The following SHROOM3 variants were observed in gnomAD, a reference collection of about 807,000 sequenced individuals.
The protein encoded by SHROOM3 is shroom family member 3.
SHROOM3 carries 47 observed loss-of-function variants against 138.6 expected under a neutral mutation model. The observed-to-expected ratio is 0.34, with a 90% CI of 0.27 to 0.43. The LOEUF (loss-of-function observed/expected upper bound fraction) is 0.43. Among genes scored for constraint, SHROOM3 ranks in the 20% least tolerant of loss-of-function variants. The pLI is 1.00. For missense variants in SHROOM3, 2,491 were observed against 2,596.5 expected (o/e 0.96, Z 0.88); for synonymous variants, 1,062 against 1,063.3 (o/e 1.00, Z 0.02).
intron 2 of SHROOM3, among the ~76,000 whole-genome samples, chr4:76,614,515 C>T (rs1263200196): frequency 3.3e-5 from 5 of 151,916 alleles, no homozygotes; most frequent in Non-Finnish European, 7.4e-5. Flanking sequence ...GATACATGTG[C>T]AGAATGTGCA....
chr4:76,527,507 C>T (rs1295198709), intron 1 of SHROOM3, among the ~76,000 whole-genome samples: 1 of 152,138 alleles, frequency 6.6e-6, no homozygotes. Flanking sequence ...TGCTTGAACC[C>T]GGGAGGTAGA....
chr4:76,769,589 A>C (rs1722282081), intron 9 of SHROOM3, among the ~76,000 whole-genome samples: 1 of 152,212 alleles, frequency 6.6e-6, no homozygotes, highest in East Asian at 1.9e-4. Context: ...TAAGGTGTCA[A>C]ATTGCACAGC....
chr4:76,443,714 A>G (rs1452748855), intron 1 of SHROOM3, among the ~76,000 whole-genome samples: 1 of 152,154 alleles, frequency 6.6e-6, no homozygotes, highest in East Asian at 1.9e-4. Context: ...CAAAGGCTAC[A>G]TGGGTACGCT....
At chr4:76,745,845 G>A (rs539834742) in intron 5 of SHROOM3, among the ~76,000 whole-genome samples, 1 of 152,296 alleles carries the variant, frequency 6.6e-6, no homozygotes, top group South Asian at 2.1e-4. Flanking sequence ...GCTAGGCATG[G>A]TGGTGTGCAT....
intron 1 of SHROOM3, among the ~76,000 whole-genome samples, chr4:76,497,297 A>G (rs1731988214): frequency 6.6e-6 from 1 of 152,256 alleles, no homozygotes; most frequent in Admixed American, 6.5e-5. Context: ...TTGTTCCTAG[A>G]GAAACTATTT....
intron 1 of SHROOM3, among the ~76,000 whole-genome samples, chr4:76,545,910 C>T (rs1733207028): frequency 6.6e-6 from 1 of 152,284 alleles, no homozygotes; most frequent in Admixed American, 6.5e-5. Context: ...TCTTTATACA[C>T]CTCACCACTG....
intron 1 of SHROOM3, among the ~76,000 whole-genome samples, chr4:76,512,097 T>A (rs957362028): frequency 6.6e-6 from 1 of 152,020 alleles, no homozygotes; most frequent in Non-Finnish European, 1.5e-5. Context: ...CAGGCAGAAG[T>A]TGACCTAAGA....
chr4:76,654,427 A>G (rs1736022599), intron 2 of SHROOM3, among the ~76,000 whole-genome samples: 1 of 152,160 alleles, frequency 6.6e-6, no homozygotes, highest in African/African-American at 2.4e-5. Flanking sequence ...GCTGGACTCA[A>G]GGGATCCTCC....
chr4:76,669,603 TC>T lies in SHROOM3; in HGVS notation c.324-40552del, dbSNP rs1358570178. On this transcript the variant is annotated intron_variant, in intron 2 of 10. Coordinates refer to ENST00000296043, the MANE Select transcript of SHROOM3 (RefSeq NM_020859.4). Reference sequence around the variant, plus strand: ...CACTGCTACAGAGCAAAACTCTGTCTCAAAAAAAAAAAAAGAATCCTAGATA... The same window carrying T: ...CACTGCTACAGAGCAAAACTCTGTCTAAAAAAAAAAAAAGAATCCTAGATA... Among the ~76,000 whole-genome samples the T allele has an allele frequency of 5.4e-5, 8 of 147,816 alleles. No homozygotes were observed. In the East Asian group the frequency reaches 1.6e-3, roughly 29 times the overall value.
chr4:76,703,717 A>C (rs1046664827), intron 2 of SHROOM3, among the ~76,000 whole-genome samples: 73 of 152,368 alleles, frequency 4.8e-4, no homozygotes, highest in African/African-American at 1.7e-3. Flanking sequence ...AAGGACACAG[A>C]GTAGAAGGAA....
chr4:76,773,194 G>A (rs1722425264), intron 10 of SHROOM3, among the ~76,000 whole-genome samples: 1 of 152,016 alleles, frequency 6.6e-6, no homozygotes, highest in Admixed American at 6.6e-5. Context: ...GGCCAACATG[G>A]CAAAACCTCC....
At chr4:76,707,888 C>T (rs945006618) in intron 2 of SHROOM3, among the ~76,000 whole-genome samples, 2 of 151,926 alleles carry the variant, frequency 1.3e-5, no homozygotes, top group African/African-American at 4.8e-5. Context: ...GCTGGTGATT[C>T]TAGCACTCTC....
intron 2 of SHROOM3, among the ~76,000 whole-genome samples, chr4:76,682,932 C>A (rs1042677580): frequency 6.6e-5 from 10 of 152,156 alleles, no homozygotes; most frequent in African/African-American, 2.2e-4. Context: ...TTTTACCAGT[C>A]AATGCAGTAA....
intron 1 of SHROOM3, among the ~76,000 whole-genome samples, chr4:76,503,515 G>A (rs1386049188): frequency 3.3e-5 from 5 of 152,036 alleles, no homozygotes; most frequent in African/African-American, 1.2e-4. Flanking sequence ...TGTAACCTCT[G>A]CCTCCCAGGT....
intron 2 of SHROOM3, among the ~76,000 whole-genome samples, chr4:76,598,295 G>A (rs895341159): frequency 6.6e-6 from 1 of 152,084 alleles, no homozygotes; most frequent in Non-Finnish European, 1.5e-5. Context: ...GAAAGTCCTG[G>A]GATTACAGGC....
intron 3 of SHROOM3, among the ~76,000 whole-genome samples, chr4:76,724,683 T>G: frequency 6.6e-6 from 1 of 152,234 alleles, no homozygotes; most frequent in East Asian, 1.9e-4. Flanking sequence ...CCACATACTG[T>G]AGCAGACTGT....
intron 2 of SHROOM3, among the ~76,000 whole-genome samples, chr4:76,705,436 G>A (rs1577985151): frequency 1.3e-5 from 2 of 152,368 alleles, no homozygotes; most frequent in East Asian, 1.9e-4. Flanking sequence ...GGTCGAGGCT[G>A]CAGTGAGCCA....
Position 76,444,207 on chromosome 4 carries a change from G to A in SHROOM3, c.168+7987G>A, listed in dbSNP as rs1167921845. 4.6e-5 allele frequency among the ~76,000 whole-genome samples: 7 copies of A among 151,952 alleles called. No individual in the cohort carries two copies. The South Asian group carries it at 1.5e-3, about 32-fold the overall frequency. On this transcript the variant is annotated intron_variant, in intron 1 of 10. Transcript: ENST00000296043. Reference sequence around the variant, plus strand: ...TGAGATTGCAGGAGTGATCCACCACGCCTGGCCTAAACCTTTATTTTTGAA... The same window carrying A: ...TGAGATTGCAGGAGTGATCCACCACACCTGGCCTAAACCTTTATTTTTGAA...
rs900966307 is a variant in SHROOM3, at chr4:76,696,748, A to G, written c.324-13408A>G. 2.6e-5 allele frequency among the ~76,000 whole-genome samples: 4 copies of G among 152,276 alleles called. No individual in the cohort carries two copies. In the East Asian group the frequency reaches 5.8e-4, roughly 22 times the overall value. Reference sequence around the variant, plus strand: ...CTGCTCAGATTCTGTTCCCAATACCATCTGTTCTTAAGTTAGTCAACATTA... The same window carrying G: ...CTGCTCAGATTCTGTTCCCAATACCGTCTGTTCTTAAGTTAGTCAACATTA... On this transcript the variant is annotated intron_variant, in intron 2 of 10. Coordinates refer to ENST00000296043, the MANE Select transcript of SHROOM3 (RefSeq NM_020859.4).
Sources: gnomAD v4.1 joint callset for allele counts (sites outside exome capture counted in the v4.1 genomes callset) on GRCh38, gnomAD v4.1.1 for gene constraint, MANE v1.5 for transcripts, NCBI Gene and HGNC (gene_info 2026-07-23, HGNC 2026-07-21) for gene names.